Variants in KCTD15 observed in about 807,000 individuals in gnomAD.
The protein encoded by KCTD15 is potassium channel tetramerization domain containing 15.
KCTD15 carries 11 observed loss-of-function variants against 27.2 expected under a neutral mutation model. That is an observed-to-expected ratio of 0.41 (90% CI 0.25 to 0.67). The LOEUF (loss-of-function observed/expected upper bound fraction) is 0.67, where lower values mean the gene tolerates loss of function less well. Among genes scored for constraint, KCTD15 ranks in the 30% least tolerant of loss-of-function variants. The pLI is 0.35. For synonymous variants in KCTD15, 163 were observed against 176.0 expected (o/e 0.93, Z 0.58); for missense variants, 350 against 409.3 (o/e 0.86, Z 1.25).
At chr19:33,794,385 C>G (rs754289665), upstream of KCTD15, among the ~76,000 whole-genome samples, 1 of 152,260 alleles carries the variant, frequency 6.6e-6, no homozygotes, top group African/African-American at 2.4e-5. Context: ...ATACTAATCA[C>G]ATTGCCATGT....
At chr19:33,807,729 A>G (rs1975758698) in intron 5 of KCTD15, among the ~76,000 whole-genome samples, 1 of 152,236 alleles carries the variant, frequency 6.6e-6, no homozygotes, top group Middle Eastern at 3.4e-3. Flanking sequence ...CAAAAAAGAG[A>G]AAGAAAAGGA....
intron 4 of KCTD15, among the ~76,000 whole-genome samples, chr19:33,806,441 G>A (rs1032875339): frequency 2.6e-5 from 4 of 152,176 alleles, no homozygotes; most frequent in African/African-American, 9.7e-5. Flanking sequence ...GTGTGTGGCT[G>A]TTGGCCGGGG....
At chr19:33,810,474 G>A (rs1360888356) in intron 5 of KCTD15, among the ~76,000 whole-genome samples, 2 of 152,168 alleles carry the variant, frequency 1.3e-5, no homozygotes, top group Admixed American at 1.3e-4. Context: ...GAGGGCAGGA[G>A]TTCAAGACCA....
intron 6 of KCTD15, chr19:33,811,958 C>T: frequency 5.3e-6 from 8 of 1,511,298 alleles, no homozygotes; most frequent in South Asian, 2.7e-5. Flanking sequence ...ACCTGGGAGT[C>T]GCAGGCACCC....
intron 4 of KCTD15, among the ~76,000 whole-genome samples, chr19:33,804,482 C>G (rs984401074): frequency 5.2e-5 from 6 of 115,910 alleles, no homozygotes; most frequent in Non-Finnish European, 1.0e-4. Context: ...TTTGGAGCTC[C>G]ACTGGGAAGG....
At chr19:33,800,336 C>CTT (rs1975486561) in intron 2 of KCTD15, 92 bp from the exon 3 acceptor site, 4 of 1,019,796 alleles carry the variant, frequency 3.9e-6, no homozygotes, top group Non-Finnish European at 6.0e-6. Context: ...TCTCAGAGAG[C>CTT]ATGCAGAAAG....
chr19:33,796,280 G>A (rs2145416605), upstream of KCTD15: 1 of 150,448 alleles, frequency 6.6e-6, no homozygotes, highest in African/African-American at 2.4e-5. Flanking sequence ...CGGGGGGCGG[G>A]GGGCTGGGCC....
chr19:33,808,405 AATG>A (rs1431578043), intron 5 of KCTD15, among the ~76,000 whole-genome samples: 1 of 152,210 alleles, frequency 6.6e-6, no homozygotes, highest in Non-Finnish European at 1.5e-5. Flanking sequence ...GTTTGAAAGA[AATG>A]ATGTTCATCT....
chr19:33,806,541 G>A (rs1975717785), intron 4 of KCTD15, among the ~76,000 whole-genome samples: 3 of 152,120 alleles, frequency 2.0e-5, no homozygotes. Context: ...GTGTGTAGGG[G>A]GTAAGGTGCC....
Position 33,800,481 on chromosome 19 carries a change from C to G in KCTD15, c.27C>G (p.Ser9Arg). The G allele has an allele frequency of 1.2e-6, 2 of 1,604,978 alleles. No individual in the cohort carries two copies. The highest frequency in any genetic ancestry group is 1.7e-6 in the Non-Finnish European group (2 of 1,176,978). MPHRKERP[S>R]GSSLHTHGST... ...TGCCTCACCGCAAGGAGCGGCCGAG[C>G]GGGTCCTCGCTTCACACACACGGCA... is the stretch of plus-strand genomic sequence containing the variant. The change falls in exon 3 of 7, where the codon AGC (serine) becomes AGG (arginine). Residue 9 changes from serine to arginine, a missense_variant. By Grantham distance (110) the Ser-to-Arg change is moderately radical. Coordinates refer to ENST00000683859, the MANE Select transcript of KCTD15 (RefSeq NM_001129994.2).
chr19:33,812,324 C>T (rs1162621447), intron 6 of KCTD15: 1 of 1,018,990 alleles, frequency 9.8e-7, no homozygotes, highest in Non-Finnish European at 1.2e-6. Flanking sequence ...GATGCACCCC[C>T]AGGCTTCAAA....
At position 33,807,027 on chromosome 19, in the gene KCTD15, C is replaced by T. The variant is rs750909955; in HGVS notation, c.387+20C>T. 5 of 1,610,378 alleles carry T rather than the reference C, an allele frequency of 3.1e-6. No individual in the cohort carries two copies. In the African/African-American group the frequency reaches 6.7e-5, roughly 22 times the overall value. On this transcript the variant is annotated intron_variant, in intron 5 of 6. Coordinates refer to ENST00000683859, the MANE Select transcript of KCTD15 (RefSeq NM_001129994.2). ...TTTAAGGTAAGTCCATGGCTGGTGG[C>T]CCCCCTGCACTGCCTGTGTGATGGC...
Position 33,812,511 on chromosome 19 carries a change from G to A in KCTD15, c.694-279G>A, listed in dbSNP as rs8102988. On this transcript the variant is annotated intron_variant, in intron 6 of 6. Transcript: ENST00000683859. ...GACCCAAAGCCTCTTTTTGCCTCCC[G>A]GAATCAAGGCCCTGAGGGCAGCAGG... The A allele has an allele frequency of 0.023, 27,781 of 1,225,912 alleles. 378 individuals carry two copies. Among genetic ancestry groups the A allele is most frequent in the Non-Finnish European group, 0.025 (24,400 of 985,576 alleles). 75.9% of individuals were successfully genotyped at this position (1,225,912 alleles called of 1,614,324 possible).
chr19:33,808,293 A>G (rs1975775889), intron 5 of KCTD15, among the ~76,000 whole-genome samples: 1 of 152,256 alleles, frequency 6.6e-6, no homozygotes, highest in African/African-American at 2.4e-5. Flanking sequence ...ATTCAGGCTG[A>G]AAACAGTGAA....
intron 5 of KCTD15, 60 bp from the exon 6 acceptor site, chr19:33,811,187 C>G: frequency 2.8e-6 from 3 of 1,058,620 alleles, no homozygotes; most frequent in Non-Finnish European, 4.0e-6. Flanking sequence ...TCCCCTCTCC[C>G]CCTTCCCCCA....
chr19:33,811,590 C>CTCCA (rs1975924446), intron 6 of KCTD15, 38 bp downstream of exon 6: 1 of 1,571,542 alleles, frequency 6.4e-7, no homozygotes, highest in Non-Finnish European at 8.6e-7. Flanking sequence ...GCCGCACCCC[C>CTCCA]GGCGTCCGCG....
At chr19:33,811,910 T>G (rs1323948233) in intron 6 of KCTD15, 1 of 1,566,424 alleles carries the variant, frequency 6.4e-7, no homozygotes, top group Non-Finnish European at 8.6e-7. Context: ...AGAGGCTGAG[T>G]GGAAAGGTGG....
chr19:33,797,796 G>A (rs1171566215), intron 1 of KCTD15, among the ~76,000 whole-genome samples: 1 of 152,242 alleles, frequency 6.6e-6, no homozygotes, highest in Non-Finnish European at 1.5e-5. Flanking sequence ...CTGCACGAGT[G>A]AATAACAGCA....
chr19:33,813,011 C>T lies in KCTD15; in HGVS notation c.*63C>T, dbSNP rs1211924344. 2.0e-6 allele frequency: 3 copies of T among 1,474,922 alleles called. No homozygotes were observed. Among genetic ancestry groups the T allele is most frequent in the Admixed American group, 2.0e-5 (1 of 49,512 alleles). 91.4% of individuals were successfully genotyped at this position (1,474,922 alleles called of 1,614,324 possible). A position where few individuals can be genotyped will look rare whatever the true frequency, so the allele number is the denominator to read the frequency against. The stretch of plus-strand genomic sequence containing the variant: ...CTGGAAACAGTGCTGGGGAGTTCTG[C>T]CTGTGTATACTTGGCCGTGGGCATG... On this transcript the variant is annotated 3_prime_UTR_variant, in exon 7 of 7. Coordinates refer to ENST00000683859, the MANE Select transcript of KCTD15 (RefSeq NM_001129994.2).
Sources: gnomAD v4.1 joint callset for allele counts (sites outside exome capture counted in the v4.1 genomes callset) on GRCh38, gnomAD v4.1.1 for gene constraint, MANE v1.5 for transcripts, NCBI Gene and HGNC (gene_info 2026-07-23, HGNC 2026-07-21) for gene names.